The following SNTG2 variants were observed in gnomAD, a reference collection of about 807,000 sequenced individuals.
SNTG2 encodes syntrophin gamma 2.
Under a neutral mutation model 70.9 loss-of-function variants are expected in SNTG2, and 74 were observed. The observed-to-expected ratio is 1.04, with a 90% CI of 0.86 to 1.27. SNTG2 has a LOEUF of 1.27. Ranked by LOEUF, SNTG2 falls within the 50% of genes most tolerant of loss-of-function variation. SNTG2 has a pLI of 0.00. For synonymous variants in SNTG2, 278 were observed against 273.8 expected, an observed-to-expected ratio of 1.02 and a Z score of -0.15; for missense variants, 717 against 690.7, an observed-to-expected ratio of 1.04 and a Z score of -0.43.
intron 16 of SNTG2, among the ~76,000 whole-genome samples, chr2:1,322,371 G>A (rs12465180): frequency 6.6e-6 from 1 of 152,040 alleles, no homozygotes; most frequent in Non-Finnish European, 1.5e-5. Flanking sequence ...GCCCTAGGAG[G>A]GAAAATCCAC....
chr2:1,150,088 C>A (rs560070638), intron 6 of SNTG2, among the ~76,000 whole-genome samples: 1 of 152,112 alleles, frequency 6.6e-6, no homozygotes, highest in Non-Finnish European at 1.5e-5. Flanking sequence ...GATCTCTGAG[C>A]GAATGGTGAC....
intron 1 of SNTG2, among the ~76,000 whole-genome samples, chr2:989,168 C>G (rs992131042): frequency 2.0e-5 from 3 of 152,130 alleles, no homozygotes; most frequent in Non-Finnish European, 4.4e-5. Flanking sequence ...ATCATGTTAT[C>G]TGGGATAAAG....
intron 1 of SNTG2, among the ~76,000 whole-genome samples, chr2:1,041,253 G>A (rs1039224199): frequency 1.4e-4 from 22 of 152,154 alleles, no homozygotes; most frequent in Non-Finnish European, 2.1e-4. Flanking sequence ...CCTTTACCAC[G>A]TGGTGTTTGC....
chr2:1,036,758 C>T (rs12714387), intron 1 of SNTG2, among the ~76,000 whole-genome samples: 66,552 of 152,100 alleles, frequency 0.44, 15,667 homozygotes, highest in African/African-American at 0.61. Context: ...TGTTAAAATA[C>T]GCACTGATTT....
At chr2:1,209,277 A>G in intron 9 of SNTG2, 47 bp downstream of exon 9, 2 of 1,611,072 alleles carry the variant, frequency 1.2e-6, no homozygotes, top group South Asian at 1.1e-5. Flanking sequence ...AACCCCGTGC[A>G]CTTTTGCCAG....
chr2:1,313,189 A>G (rs955756950), intron 15 of SNTG2, among the ~76,000 whole-genome samples: 10 of 152,262 alleles, frequency 6.6e-5, no homozygotes, highest in African/African-American at 2.4e-4. Flanking sequence ...ATCTTTAACA[A>G]CCTGAAACCA....
chr2:1,279,985 T>C (rs1679449620), intron 14 of SNTG2, among the ~76,000 whole-genome samples: 1 of 152,220 alleles, frequency 6.6e-6, no homozygotes, highest in Admixed American at 6.5e-5. Flanking sequence ...TTGCGTGATA[T>C]TATAAAACTT....
chr2:1,050,433 A>G lies in SNTG2; in HGVS notation c.73-33085A>G, dbSNP rs549273753. 4.6e-5 allele frequency among the ~76,000 whole-genome samples: 7 copies of G among 152,018 alleles called. No homozygotes were observed. The East Asian group carries it at 9.7e-4, about 21-fold the overall frequency. On this transcript the variant is annotated intron_variant, in intron 1 of 16. Transcript: ENST00000308624. ...TTTATTGTAGAGATTATTCTTTCCA[A>G]ACTTCACTGCAATACCACATTTATC...
At chr2:1,114,008 T>C (rs5013077) in intron 4 of SNTG2, among the ~76,000 whole-genome samples, 18,103 of 126,084 alleles carry the variant, frequency 0.14, 1,256 homozygotes, top group Admixed American at 0.18. Context: ...GAGGTTTAAC[T>C]CTTACAGTCC....
At chr2:1,326,068 A>G (rs1478408834) in intron 16 of SNTG2, among the ~76,000 whole-genome samples, 5 of 152,078 alleles carry the variant, frequency 3.3e-5, no homozygotes, top group Non-Finnish European at 7.4e-5. Context: ...CCTGACCTCC[A>G]GTGATCCACC....
intron 9 of SNTG2, among the ~76,000 whole-genome samples, chr2:1,229,634 C>T (rs926044994): frequency 8.5e-5 from 13 of 152,212 alleles, no homozygotes; most frequent in Admixed American, 2.0e-4. Context: ...TGGAACTGGG[C>T]GCTGTGGAGC....
At chr2:1,212,325 C>T (rs574036332) in intron 9 of SNTG2, among the ~76,000 whole-genome samples, 6 of 152,318 alleles carry the variant, frequency 3.9e-5, no homozygotes, top group South Asian at 2.1e-4. Flanking sequence ...CACCTTCTGC[C>T]TTCCACCATG....
intron 16 of SNTG2, among the ~76,000 whole-genome samples, chr2:1,365,655 A>C (rs147316600): frequency 6.6e-6 from 1 of 152,180 alleles, no homozygotes; most frequent in African/African-American, 2.4e-5. Context: ...GGTCACACCA[A>C]TGTAGGCATC....
intron 2 of SNTG2, among the ~76,000 whole-genome samples, chr2:1,088,472 G>A (rs1011884025): frequency 6.6e-6 from 1 of 152,226 alleles, no homozygotes; most frequent in African/African-American, 2.4e-5. Context: ...TTAGGGGAAG[G>A]TCTGATGGAC....
intron 1 of SNTG2, among the ~76,000 whole-genome samples, chr2:1,055,551 G>A (rs984885279): frequency 1.3e-5 from 2 of 151,826 alleles, no homozygotes; most frequent in Non-Finnish European, 2.9e-5. Flanking sequence ...AATGCCCATC[G>A]AGACAAAAAT....
chr2:1,118,352 T>TA (rs1159598433), intron 4 of SNTG2, among the ~76,000 whole-genome samples: 1 of 152,030 alleles, frequency 6.6e-6, no homozygotes, highest in African/African-American at 2.4e-5. Context: ...ACCCTAGACT[T>TA]ATGCTGCCAC....
chr2:1,310,262 G>A (rs1214137012), intron 15 of SNTG2, among the ~76,000 whole-genome samples: 4 of 152,128 alleles, frequency 2.6e-5, no homozygotes, highest in Non-Finnish European at 5.9e-5. Flanking sequence ...CTGGCCCACC[G>A]GCCCCATTGC....
At position 1,042,381 on chromosome 2, in the gene SNTG2, CTTTTG is replaced by C. The variant is rs944873506; in HGVS notation, c.73-41132_73-41128del. On this transcript the variant is annotated intron_variant, in intron 1 of 16. Transcript: ENST00000308624. ...ATGATTTTCTTTCTTTTCTTTCCAACTTTTGTTTTAGGTTCGGGGGTACACGTGCA... is the reference window on the plus strand; with the variant it reads ...ATGATTTTCTTTCTTTTCTTTCCAACTTTTAGGTTCGGGGGTACACGTGCA... 1.6e-4 allele frequency among the ~76,000 whole-genome samples: 24 copies of C among 152,082 alleles called. No individual in the cohort carries two copies. In the South Asian group the frequency reaches 4.0e-3, roughly 25 times the overall value.
intron 4 of SNTG2, among the ~76,000 whole-genome samples, chr2:1,106,329 A>G (rs1295524865): frequency 2.0e-4 from 19 of 95,486 alleles, no homozygotes; most frequent in Middle Eastern, 8.6e-3. Flanking sequence ...CTTGATAATA[A>G]TGGACACGTG....
Sources: gnomAD v4.1 joint callset for allele counts (sites outside exome capture counted in the v4.1 genomes callset) on GRCh38, gnomAD v4.1.1 for gene constraint, MANE v1.5 for transcripts, NCBI Gene and HGNC (gene_info 2026-07-23, HGNC 2026-07-21) for gene names.